Variants in FDFT1 observed in about 807,000 individuals in gnomAD.
FDFT1 encodes the protein farnesyl-diphosphate farnesyltransferase 1, also known as squalene synthase.
In FDFT1, 68 loss-of-function variants were observed where a neutral mutation model predicts 46.8. The ratio of observed to expected loss-of-function variants is 1.45; its 90% CI spans 1.19 to 1.78. The LOEUF is 1.78. Ranked by LOEUF, FDFT1 falls within the 40% of genes most tolerant of loss-of-function variation. The pLI is 0.00. For synonymous variants in FDFT1, 351 were observed against 185.1 expected, an observed-to-expected ratio of 1.90 and a Z score of -7.28; for missense variants, 928 against 524.4, an observed-to-expected ratio of 1.77 and a Z score of -7.52.
chr8:11,804,201 A>C (rs1806503591), intron 1 of FDFT1, among the ~76,000 whole-genome samples: 1 of 152,252 alleles, frequency 6.6e-6, no homozygotes, highest in Non-Finnish European at 1.5e-5. Context: ...GGAGAAAAGC[A>C]CTGCAGAGGA....
At chr8:11,831,313 CTG>C (rs916112090) in intron 6 of FDFT1, among the ~76,000 whole-genome samples, 2 of 152,106 alleles carry the variant, frequency 1.3e-5, no homozygotes, top group Admixed American at 1.3e-4. Context: ...CTGCTTAATT[CTG>C]TGTGTTGTTG....
intron 3 of FDFT1, among the ~76,000 whole-genome samples, chr8:11,812,887 T>G (rs1186187938): frequency 6.6e-6 from 1 of 152,226 alleles, no homozygotes; most frequent in Non-Finnish European, 1.5e-5. Flanking sequence ...TAGAGTACAG[T>G]CATGCATCAC....
At chr8:11,812,793 G>T (rs374208384) in intron 3 of FDFT1, among the ~76,000 whole-genome samples, 1 of 152,184 alleles carries the variant, frequency 6.6e-6, no homozygotes, top group African/African-American at 2.4e-5. Flanking sequence ...GATTGAACCT[G>T]ATCCTTTATA....
upstream of FDFT1, among the ~76,000 whole-genome samples, chr8:11,798,344 G>C (rs2130623850): frequency 1.3e-5 from 2 of 152,332 alleles, no homozygotes; most frequent in Middle Eastern, 3.4e-3. Flanking sequence ...ACAGGTGTGA[G>C]CCACTGCACC....
At chr8:11,822,368 C>G (rs556503594) in intron 4 of FDFT1, among the ~76,000 whole-genome samples, 3 of 152,334 alleles carry the variant, frequency 2.0e-5, no homozygotes, top group East Asian at 3.9e-4. Flanking sequence ...CGAAAAGATG[C>G]TGCTACATGG....
chr8:11,814,496 C>G (rs545319489), intron 3 of FDFT1, among the ~76,000 whole-genome samples: 111 of 152,238 alleles, frequency 7.3e-4, no homozygotes, highest in Middle Eastern at 3.4e-3. Flanking sequence ...TGCATACTTT[C>G]AATGTTTAAC....
chr8:11,804,005 CTTTTTATATTT>C (rs1325846828), intron 1 of FDFT1, among the ~76,000 whole-genome samples: 2 of 152,178 alleles, frequency 1.3e-5, no homozygotes, highest in Admixed American at 1.3e-4. Context: ...GCAGATGTCA[CTTTTTATATTT>C]AGATATAGCA....
At chr8:11,830,197 C>A (rs760115135) in intron 5 of FDFT1, 47 bp from the exon 6 acceptor site, 11 of 1,418,468 alleles carry the variant, frequency 7.8e-6, no homozygotes, top group Non-Finnish European at 1.1e-5. Flanking sequence ...TGTAAATTCT[C>A]CCCTATGCAC....
rs1586032285 is a variant in FDFT1 at position 11,838,789 on chromosome 8, G to C, written c.*180G>C. The C allele has an allele frequency of 2.1e-5, 13 of 611,676 alleles. No homozygotes were observed. In the South Asian group the frequency reaches 2.5e-4, roughly 12 times the overall value. 37.9% of individuals were successfully genotyped at this position (611,676 alleles called of 1,614,324 possible). A position where few individuals can be genotyped will look rare whatever the true frequency, so the allele number is the denominator to read the frequency against. ...AGAAGAACCTAAACATGAAAGGAAA[G>C]GGTGCCTCATCCCAGCAACCTGTCC... On this transcript the variant is annotated 3_prime_UTR_variant, in exon 8 of 8. Transcript: ENST00000220584.
intron 1 of FDFT1, among the ~76,000 whole-genome samples, chr8:11,807,168 T>C (rs1238877022): frequency 6.6e-6 from 1 of 152,212 alleles, no homozygotes; most frequent in African/African-American, 2.4e-5. Context: ...TTTTTTATTT[T>C]TTTGAGATGG....
At position 11,839,142 on chromosome 8, in the gene FDFT1, C is replaced by T. The variant is rs1811980313; in HGVS notation, c.*533C>T. On this transcript the variant is annotated 3_prime_UTR_variant, in exon 8 of 8. Transcript: ENST00000220584. ...GCAAACTGCCTTTTCCACACAAAGG[C>T]TGGGAATAAAATTCTGGGTATTCTC... 6.5e-6 allele frequency: 1 copy of T among 154,630 alleles called. No homozygotes were observed. Among genetic ancestry groups the T allele is most frequent in the South Asian group, 2.0e-4 (1 of 5,000 alleles). The allele number at this position is 154,630 out of a possible 1,614,324, so 9.6% of individuals were successfully genotyped here. A position where few individuals can be genotyped will look rare whatever the true frequency, so the allele number is the denominator to read the frequency against.
intron 1 of FDFT1, chr8:11,803,855 G>A (rs113583756): frequency 0.012 from 1,825 of 154,858 alleles, 46 homozygotes; most frequent in African/African-American, 0.042. Flanking sequence ...CTCATTTGGT[G>A]TTATTTTTCA....
At chr8:11,803,435 C>A in intron 1 of FDFT1, 1 of 1,286,522 alleles carries the variant, frequency 7.8e-7, no homozygotes, top group African/African-American at 1.5e-5. Context: ...TCGGTGCTTC[C>A]TGAGTTTTAA....
At chr8:11,831,167 C>G (rs73549733) in intron 6 of FDFT1, among the ~76,000 whole-genome samples, 2,098 of 152,274 alleles carry the variant, frequency 0.014, 65 homozygotes, top group African/African-American at 0.048. Flanking sequence ...GAAAATTCTT[C>G]CCATATATTA....
chr8:11,808,369 GGCGGGGCT>G (rs1248906823), intron 1 of FDFT1: 193 of 1,235,684 alleles, frequency 1.6e-4, no homozygotes, highest in African/African-American at 7.0e-4. Context: ...GGAGGCCGGG[GGCGGGGCT>G]GCGGGGCTGC....
In FDFT1 at chr8:11,831,550, T is replaced by A; in HGVS notation, c.912T>A (p.Tyr304Ter). 6.2e-7 allele frequency: 1 copy of A among 1,614,176 alleles called. No homozygotes were observed. Among genetic ancestry groups the A allele is most frequent in the Non-Finnish European group, 8.5e-7 (1 of 1,179,966 alleles). Residue 304 changes from tyrosine to a stop codon, truncating the protein, a stop_gained, in exon 7 of 8, where the codon TAT becomes TAA. Transcript: ENST00000220584. LOFTEE classifies it high-confidence loss of function. ...VMAIATLAAC[Y>*]NNQQVFKGAV... The stretch of plus-strand genomic sequence containing the variant: ...CCATTGCCACTTTGGCTGCCTGTTA[T>A]AATAACCAGCAGGTGTTCAAAGGGG...
chr8:11,802,248 A>G (rs538761997), upstream of FDFT1: 2 of 382,632 alleles, frequency 5.2e-6, no homozygotes, highest in East Asian at 1.4e-4. Flanking sequence ...CGGCCTTTTC[A>G]CGGTTTTAGG....
intron 1 of FDFT1, among the ~76,000 whole-genome samples, chr8:11,806,228 C>T (rs1806811938): frequency 6.6e-6 from 1 of 152,112 alleles, no homozygotes; most frequent in South Asian, 2.1e-4. Context: ...CGCTTGCGAG[C>T]TTTTGGGAGT....
chr8:11,803,587 G>C (rs1315535197), intron 1 of FDFT1: 2 of 743,504 alleles, frequency 2.7e-6, no homozygotes, highest in Non-Finnish European at 3.6e-6. Context: ...TGAATGCATA[G>C]GAGGTGTTTT....
Sources: allele counts gnomAD v4.1 joint callset (sites outside exome capture counted in the v4.1 genomes callset), GRCh38; gene constraint gnomAD v4.1.1; transcripts MANE v1.5; gene names NCBI Gene and HGNC (gene_info 2026-07-23, HGNC 2026-07-21).